EIF4G1: variants seen among roughly 807,000 people sequenced by gnomAD.
EIF4G1 encodes eukaryotic translation initiation factor 4 gamma 1, also known as EIF4-gamma.
A neutral mutation model predicts 187.8 loss-of-function variants in EIF4G1; 4 were observed. That is an observed-to-expected ratio of 0.02 (90% CI 0.01 to 0.05). EIF4G1 has a LOEUF of 0.05. Among genes scored for constraint, EIF4G1 ranks in the 10% least tolerant of loss-of-function variants. The pLI is 1.00. For missense variants in EIF4G1, 1,647 were observed against 2,081.1 expected (o/e 0.79, Z 4.06); for synonymous variants, 844 against 781.4 (o/e 1.08, Z -1.34).
Position 184,321,648 on chromosome 3 carries a change from C to G in EIF4G1, c.1064C>G (p.Thr355Arg), listed in dbSNP as rs199812237. ...GCTCCCACCCCTTTGGCATCTCACA[C>G]AGTGGAAATTCATGAGCCTAATGGC... ...LQAPTPLASHTVEIHEPNGMV... is the reference protein window; with the variant it reads ...LQAPTPLASHRVEIHEPNGMV... Residue 355 changes from threonine to arginine, a missense_variant, in exon 10 of 33, where the codon ACA becomes AGA. By Grantham distance (71) the Thr-to-Arg change is moderately conservative. Transcript: ENST00000346169. 6.2e-7 allele frequency: 1 copy of G among 1,609,310 alleles called. No individual in the cohort carries two copies. Among genetic ancestry groups the G allele is most frequent in the African/African-American group, 1.3e-5 (1 of 74,712 alleles).
Position 184,334,666 on chromosome 3 carries a change from C to T in EIF4G1, c.4619-61C>T. 1 of 1,608,548 alleles carries T rather than the reference C, an allele frequency of 6.2e-7. No individual in the cohort carries two copies. The highest frequency in any genetic ancestry group is 1.1e-5 in the South Asian group (1 of 90,736). On this transcript the variant is annotated intron_variant, in intron 32 of 32. Coordinates refer to ENST00000346169, the MANE Select transcript of EIF4G1 (RefSeq NM_198241.3). The surrounding 1 kb of genome is among the most constrained non-coding windows in gnomAD (Gnocchi z 5.8). ...GAACAGTGGAACTTGGGAGGGTTCC[C>T]TGGGGTGGGCTGGGGTGGCGGTGGC...
chr3:184,333,939 G>A (rs1726618911), intron 32 of EIF4G1, among the ~76,000 whole-genome samples: 2 of 152,144 alleles, frequency 1.3e-5, no homozygotes, highest in South Asian at 4.1e-4. Context: ...ATGGGGTGGG[G>A]GTAGCAGGTG....
At chr3:184,329,305 T>C (rs1305840471) in intron 28 of EIF4G1, among the ~76,000 whole-genome samples, 2 of 152,118 alleles carry the variant, frequency 1.3e-5, no homozygotes, top group African/African-American at 4.8e-5. Context: ...GACACAGCAA[T>C]GAATAAAACA....
At chr3:184,318,452 A>G (rs927570892) in intron 6 of EIF4G1, among the ~76,000 whole-genome samples, 32 of 152,186 alleles carry the variant, frequency 2.1e-4, no homozygotes, top group Non-Finnish European at 3.7e-4. Context: ...CCCTGTCTCT[A>G]TTTTAAAATT....
rs1242237225 is a variant in EIF4G1 at position 184,323,982 on chromosome 3, G to GTT, written c.2472+7_2472+8dup. On this transcript the variant is annotated splice_donor_region_variant and intron_variant, in intron 16 of 32. Coordinates refer to ENST00000346169, the MANE Select transcript of EIF4G1 (RefSeq NM_198241.3). The surrounding 1 kb of genome is among the most constrained non-coding windows in gnomAD (Gnocchi z 6.9). ...ATGTGCCGCTGCCTCATGGCGGTTA[G>GTT]TTTCCAGTGGGTTCTAAATCTAATG... The GTT allele has an allele frequency of 6.2e-7, 1 of 1,613,480 alleles. No individual in the cohort carries two copies. The highest frequency in any genetic ancestry group is 1.3e-5 in the African/African-American group (1 of 74,934).
At position 184,331,532 on chromosome 3, in the gene EIF4G1, G is replaced by A. The variant is rs1301933878; in HGVS notation, c.4321G>A (p.Glu1441Lys). The change falls in exon 30 of 33, where the codon GAG becomes AAG. Residue 1441 changes from glutamate to lysine, a missense_variant. Glu to Lys is a moderately conservative substitution (Grantham distance 56, BLOSUM62 1). Transcript: ENST00000346169. ...CCCTGGCCAGAGGGCACTCCCCTCC[G>A]AGGAGCTGAACAGGCAGCTGGAGAA... ...EAPGQRALPS[E>K]ELNRQLEKLL... The A allele has an allele frequency of 1.9e-6, 3 of 1,613,982 alleles. No individual in the cohort carries two copies. Among genetic ancestry groups the A allele is most frequent in the Non-Finnish European group, 8.5e-7 (1 of 1,180,044 alleles).
At chr3:184,326,732 T>A in intron 22 of EIF4G1, 103 bp downstream of exon 22, 1 of 1,494,756 alleles carries the variant, frequency 6.7e-7, no homozygotes, top group Non-Finnish European at 9.3e-7. Context: ...GGTTAGGCAA[T>A]GCGGGCAATA....
chr3:184,324,794 T>C, intron 17 of EIF4G1, 84 bp from the exon 18 acceptor site: 1 of 1,458,308 alleles, frequency 6.9e-7, no homozygotes, highest in Non-Finnish European at 9.5e-7. Flanking sequence ...TGCTTATTGC[T>C]AGGTTTGGAT....
intron 12 of EIF4G1, 25 bp from the exon 13 acceptor site, chr3:184,322,796 T>C: frequency 6.2e-7 from 1 of 1,614,232 alleles, no homozygotes; most frequent in Non-Finnish European, 8.5e-7. Context: ...GGCAGTATGA[T>C]TGCTTCATTC....
At chr3:184,317,250 A>G (rs1403618569) in intron 4 of EIF4G1, 71 bp from the exon 5 acceptor site, 4 of 1,549,984 alleles carry the variant, frequency 2.6e-6, no homozygotes, top group South Asian at 2.2e-5. Flanking sequence ...CTATAGAGAC[A>G]TTGTGGAGTG....
At position 184,322,635 on chromosome 3, in the gene EIF4G1, C is replaced by T. The variant is rs140212150; in HGVS notation, c.1700C>T (p.Pro567Leu). The T allele has an allele frequency of 6.2e-7, 1 of 1,614,138 alleles. No homozygotes were observed. The highest frequency in any genetic ancestry group is 1.7e-5 in the Admixed American group (1 of 60,000). The change falls in exon 12 of 33, where the codon CCT becomes CTT. Residue 567 changes from proline (P) to leucine (L), a missense_variant. Around this residue, in one of 11 missense-constraint regions of EIF4G1, gnomAD observed 522 missense variants for 485.2 expected, o/e 1.08. Coordinates refer to ENST00000346169, the MANE Select transcript of EIF4G1 (RefSeq NM_198241.3). ...ESEGSGVPPR[P>L]EEADETWDSK... is the part of the protein sequence containing the mutation. Reference sequence around the variant, plus strand: ...GAGGGCAGTGGTGTGCCCCCACGTCCTGAGGAAGCAGATGAGACCTGGGAC... The same window carrying T: ...GAGGGCAGTGGTGTGCCCCCACGTCTTGAGGAAGCAGATGAGACCTGGGAC...
Position 184,322,685 on chromosome 3 carries a change from G to A in EIF4G1, c.1750G>A (p.Ala584Thr). The change falls in exon 12 of 33, where the codon GCT becomes ACT. Residue 584 changes from alanine to threonine, a missense_variant. Coordinates refer to ENST00000346169, the MANE Select transcript of EIF4G1 (RefSeq NM_198241.3). The part of the protein sequence containing the change: ...WDSKEDKIHN[A>T]ENIQPGEQKY... ...CTCAAAGGAAGACAAAATTCACAAT[G>A]CTGAGAACATCCAGCCCGGGGAACA... 6.2e-7 allele frequency: 1 copy of A among 1,614,220 alleles called. No individual in the cohort carries two copies. The highest frequency in any genetic ancestry group is 8.5e-7 in the Non-Finnish European group (1 of 1,180,050).
intron 7 of EIF4G1, 21 bp from the exon 8 acceptor site, chr3:184,320,609 C>G (rs746846732): frequency 6.8e-6 from 11 of 1,614,034 alleles, no homozygotes; most frequent in Non-Finnish European, 9.3e-6. Flanking sequence ...TCCCACTCAT[C>G]TTATAGCTTT....
chr3:184,332,710 A>G (rs1050468726), intron 32 of EIF4G1, among the ~76,000 whole-genome samples: 2 of 151,864 alleles, frequency 1.3e-5, no homozygotes, highest in East Asian at 3.9e-4. Flanking sequence ...GGGGAGGGGG[A>G]GAATGTTTGA....
rs770318125 is a variant in EIF4G1 at position 184,322,108 on chromosome 3, G to A, written c.1519+5G>A. 1.2e-6 allele frequency: 2 copies of A among 1,614,130 alleles called. No homozygotes were observed. The highest frequency in any genetic ancestry group is 1.7e-6 in the Non-Finnish European group (2 of 1,180,046). On this transcript the variant is annotated splice_donor_5th_base_variant and intron_variant, in intron 10 of 32. Transcript: ENST00000346169. The stretch of plus-strand genomic sequence containing the variant: ...AGGCAGCAGCAGCCACTCAAGGTAA[G>A]GTGTGGTTGGACGGTAGAGGTAGGG...
intron 5 of EIF4G1, 103 bp downstream of exon 5, chr3:184,317,600 C>T (rs1723021105): frequency 1.9e-6 from 3 of 1,548,648 alleles, no homozygotes; most frequent in Non-Finnish European, 1.8e-6. Context: ...GTGGGACTTC[C>T]TTCTGGTCAT....
At chr3:184,318,626 A>G (rs1268066935) in intron 6 of EIF4G1, among the ~76,000 whole-genome samples, 1 of 152,108 alleles carries the variant, frequency 6.6e-6, no homozygotes, top group Non-Finnish European at 1.5e-5. Flanking sequence ...TCTTTTTGAG[A>G]CGGAGTCTCG....
intron 32 of EIF4G1, among the ~76,000 whole-genome samples, chr3:184,333,833 A>G (rs1056623968): frequency 9.9e-5 from 15 of 152,158 alleles, no homozygotes; most frequent in African/African-American, 3.4e-4. Flanking sequence ...GGCAGAGTGC[A>G]TAATCGATTG....
chr3:184,327,313 C>T lies in EIF4G1; in HGVS notation c.3526C>T (p.Arg1176Cys), dbSNP rs778571078. The change falls in exon 24 of 33, where the codon CGT becomes TGT. Residue 1176 changes from arginine (R) to cysteine (C), a missense_variant. This residue lies in a region of EIF4G1 where 543 missense variants were observed against 638.0 expected (regional missense o/e 0.85). Coordinates refer to ENST00000346169, the MANE Select transcript of EIF4G1 (RefSeq NM_198241.3). ...RGGDRGDRLDRARTPATKRSF... is the reference protein window; with the variant it reads ...RGGDRGDRLDCARTPATKRSF... ...AGGGGACCGTGGGGACCGGCTTGATCGTGCGCGGACACCTGCTACCAAGCG... is the reference window on the plus strand; with the variant it reads ...AGGGGACCGTGGGGACCGGCTTGATTGTGCGCGGACACCTGCTACCAAGCG... The T allele has an allele frequency of 5.5e-5, 88 of 1,613,644 alleles. No homozygotes were observed. Among genetic ancestry groups the T allele is most frequent in the African/African-American group, 3.2e-4 (24 of 74,928 alleles).
Sources: allele counts gnomAD v4.1 joint callset (sites outside exome capture counted in the v4.1 genomes callset), GRCh38; gene constraint gnomAD v4.1.1; regional missense constraint gnomAD v4.1.1; non-coding constraint Gnocchi (gnomAD v3.1); transcripts MANE v1.5; gene names NCBI Gene and HGNC (gene_info 2026-07-23, HGNC 2026-07-21).